Variants in DACH2 observed in about 807,000 individuals in gnomAD.
The protein encoded by DACH2 is dachshund family transcription factor 2.
In DACH2, 17 loss-of-function variants were observed where a neutral mutation model predicts 35.8. The observed-to-expected ratio is 0.48, with a 90% CI of 0.33 to 0.71. The LOEUF is 0.71. DACH2 is among the 30% of genes least tolerant of loss of function. The probability of loss-of-function intolerance (pLI) is 0.02; values close to 1 mark genes in which losing one functional copy is unlikely to be tolerated. For missense variants in DACH2, 469 were observed against 472.7 expected (o/e 0.99, Z 0.07); for synonymous variants, 195 against 177.3 (o/e 1.10, Z -0.79).
chrX:86,253,418 C>A (rs1285832516), intron 1 of DACH2, among the ~76,000 whole-genome samples: 1 of 111,362 alleles, frequency 9.0e-6, no homozygotes, highest in East Asian at 2.8e-4. Context: ...AGCTGCTTCC[C>A]AAATTCCCTT....
chrX:86,630,879 T>A (rs1464500049), intron 3 of DACH2, among the ~76,000 whole-genome samples: 4 of 111,223 alleles, frequency 3.6e-5, no homozygotes, highest in Non-Finnish European at 7.5e-5. Context: ...TAACTGCAAA[T>A]TCACTGCCTG....
At chrX:86,257,579 T>G (rs57061504) in intron 1 of DACH2, among the ~76,000 whole-genome samples, 10,730 of 111,354 alleles carry the variant, frequency 0.096, 430 homozygotes, top group East Asian at 0.25. Flanking sequence ...GTTTAATTTT[T>G]TGTGCTTTTG....
rs1455800239 is a variant in DACH2 at position 86,814,802 on chromosome X, C to A, written c.1652C>A (p.Thr551Asn). ...GTGGAGCAGGCACTTAAGCAAGCCA[C>A]CACTAGTGACAGTGGCCTGAGGATG... ...EQVEQALKQATTSDSGLRMLK... is the reference protein window; with the variant it reads ...EQVEQALKQANTSDSGLRMLK... Residue 551 changes from threonine to asparagine, a missense_variant, in exon 10 of 12, where the codon ACC (threonine) becomes AAC (asparagine). Transcript: ENST00000373125. 1 of 1,208,700 alleles carries A rather than the reference C, an allele frequency of 8.3e-7. No homozygotes were observed. The highest frequency in any genetic ancestry group is 1.8e-5 in the African/African-American group (1 of 57,054).
intron 2 of DACH2, among the ~76,000 whole-genome samples, chrX:86,428,521 A>C (rs896759676): frequency 8.9e-6 from 1 of 112,040 alleles, no homozygotes; most frequent in Non-Finnish European, 1.9e-5. Flanking sequence ...TTTTGGGTTT[A>C]AGGGCTGATC....
intron 2 of DACH2, among the ~76,000 whole-genome samples, chrX:86,444,913 T>C (rs1479988044): frequency 3.6e-5 from 4 of 111,333 alleles, no homozygotes; most frequent in Admixed American, 2.9e-4. Flanking sequence ...GTTTACATAC[T>C]GAAAAACAAG....
At chrX:86,510,832 A>T (rs2038386347) in intron 2 of DACH2, among the ~76,000 whole-genome samples, 2 of 111,910 alleles carry the variant, frequency 1.8e-5, no homozygotes, top group Admixed American at 1.9e-4. Flanking sequence ...GGCCTGTTTT[A>T]TTTTACAGAC....
intron 2 of DACH2, among the ~76,000 whole-genome samples, chrX:86,380,347 T>C (rs1352371349): frequency 9.0e-6 from 1 of 110,502 alleles, no homozygotes; most frequent in Admixed American, 9.7e-5. Context: ...AAAGCTCATA[T>C]GCTTTGGGCC....
At chrX:86,438,697 T>C (rs962528956) in intron 2 of DACH2, among the ~76,000 whole-genome samples, 4 of 112,448 alleles carry the variant, frequency 3.6e-5, no homozygotes, top group African/African-American at 1.3e-4. Flanking sequence ...ACTATTTATA[T>C]TCCTTTGGGT....
chrX:86,764,118 A>G (rs1443352616), intron 7 of DACH2, among the ~76,000 whole-genome samples: 1 of 112,308 alleles, frequency 8.9e-6, no homozygotes, highest in African/African-American at 3.2e-5. Context: ...AATTTTAGAT[A>G]TAAAGGAATA....
At chrX:86,257,161 T>C (rs1428863385) in intron 1 of DACH2, among the ~76,000 whole-genome samples, 1 of 111,748 alleles carries the variant, frequency 8.9e-6, no homozygotes, top group Non-Finnish European at 1.9e-5. Flanking sequence ...TTAAGCACTG[T>C]GTTGGTGGGC....
chrX:86,825,282 T>C lies in DACH2; in HGVS notation c.1751-6824T>C, dbSNP rs779343507. On this transcript the variant is annotated intron_variant, in intron 11 of 11. Coordinates refer to ENST00000373125, the MANE Select transcript of DACH2 (RefSeq NM_053281.3). Reference sequence around the variant, plus strand: ...AAATACAAAAAATAGCCAGGTGTGATGGCACACGCCTGTAGTCCCAGCTAC... The same window carrying C: ...AAATACAAAAAATAGCCAGGTGTGACGGCACACGCCTGTAGTCCCAGCTAC... 5.4e-5 allele frequency among the ~76,000 whole-genome samples: 6 copies of C among 110,683 alleles called. No homozygotes were observed. In the East Asian group the frequency reaches 1.7e-3, roughly 32 times the overall value.
chrX:86,261,912 T>C (rs1394875352), intron 1 of DACH2, among the ~76,000 whole-genome samples: 1 of 110,578 alleles, frequency 9.0e-6, no homozygotes, highest in East Asian at 2.8e-4. Flanking sequence ...CAACAGTAGA[T>C]TACCTAGAAA....
At chrX:86,485,915 T>C (rs928362309) in intron 2 of DACH2, among the ~76,000 whole-genome samples, 4 of 111,986 alleles carry the variant, frequency 3.6e-5, no homozygotes, top group African/African-American at 1.3e-4. Context: ...TTTGGAATTA[T>C]ACTTCATAGT....
intron 2 of DACH2, among the ~76,000 whole-genome samples, chrX:86,417,441 C>A (rs978528651): frequency 6.3e-5 from 7 of 111,962 alleles, no homozygotes; most frequent in Middle Eastern, 4.6e-3. Context: ...GCTGAGGAGA[C>A]CTCACAATAA....
At position 86,490,379 on chromosome X, in the gene DACH2, C is replaced by T. The variant is rs74801261; in HGVS notation, c.528-23900C>T. On this transcript the variant is annotated intron_variant, in intron 2 of 11. Transcript: ENST00000373125. ...TAGAGAAGAAAAGAGGGTAAACTTC[C>T]ACTACTGATCCTTGTGCTGGAGGCA... Among the ~76,000 whole-genome samples the T allele has an allele frequency of 3.4e-4, 38 of 111,413 alleles. No homozygotes were observed. In the East Asian group the frequency reaches 9.7e-3, roughly 28 times the overall value.
At chrX:86,616,224 A>G (rs956274191) in intron 3 of DACH2, among the ~76,000 whole-genome samples, 5 of 111,871 alleles carry the variant, frequency 4.5e-5, no homozygotes, top group Non-Finnish European at 9.4e-5. Flanking sequence ...ATAATGCTGT[A>G]ATGAACATTC....
At chrX:86,659,365 C>T (rs114807806) in intron 4 of DACH2, among the ~76,000 whole-genome samples, 6,807 of 110,660 alleles carry the variant, frequency 0.062, 501 homozygotes, top group African/African-American at 0.21. Context: ...TTCCTAATAC[C>T]TCATCTAGTG....
chrX:86,493,645 G>A (rs1241378223), intron 2 of DACH2, among the ~76,000 whole-genome samples: 1 of 111,138 alleles, frequency 9.0e-6, no homozygotes, highest in African/African-American at 3.3e-5. Context: ...CTGCAAGGTA[G>A]GTGTTAATAC....
At chrX:86,539,145 G>C (rs12687855) in intron 3 of DACH2, among the ~76,000 whole-genome samples, 15,246 of 110,360 alleles carry the variant, frequency 0.14, 917 homozygotes, top group East Asian at 0.24. Flanking sequence ...TAGATCATGG[G>C]AGTGGTTTCC....
Sources: gnomAD v4.1 joint callset for allele counts (sites outside exome capture counted in the v4.1 genomes callset) on GRCh38, gnomAD v4.1.1 for gene constraint, MANE v1.5 for transcripts, NCBI Gene and HGNC (gene_info 2026-07-23, HGNC 2026-07-21) for gene names.